GRIP1: variants seen among roughly 807,000 people sequenced by gnomAD.
The protein encoded by GRIP1 is glutamate receptor-interacting protein 1.
In GRIP1, 45 loss-of-function variants were observed where a neutral mutation model predicts 129.9. The observed-to-expected ratio is 0.35, with a 90% CI of 0.27 to 0.44. The LOEUF (loss-of-function observed/expected upper bound fraction) is 0.44, where lower values mean the gene tolerates loss of function less well. Among genes scored for constraint, GRIP1 ranks in the 20% least tolerant of loss-of-function variants. The pLI, the probability that GRIP1 is intolerant of heterozygous loss-of-function variation, is 1.00. For synonymous variants in GRIP1, 530 were observed against 520.8 expected (o/e 1.02, Z -0.24); for missense variants, 1,196 against 1,396.8 (o/e 0.86, Z 2.29).
At chr12:66,768,850 T>C (rs1388790716) in intron 1 of GRIP1, among the ~76,000 whole-genome samples, 1 of 152,046 alleles carries the variant, frequency 6.6e-6, no homozygotes, top group Non-Finnish European at 1.5e-5. Flanking sequence ...CTGAGAGACC[T>C]CTAAAACAAT....
intron 14 of GRIP1, 111 bp downstream of exon 14, chr12:66,432,437 T>C (rs1270405901): frequency 1.5e-6 from 1 of 671,728 alleles, no homozygotes; most frequent in African/African-American, 1.8e-5. Flanking sequence ...TGTATCATGA[T>C]ATAAAAACTT....
At chr12:66,576,867 A>G (rs562755659) in intron 2 of GRIP1, among the ~76,000 whole-genome samples, 9 of 152,378 alleles carry the variant, frequency 5.9e-5, no homozygotes, top group African/African-American at 2.2e-4. Flanking sequence ...AGTGATTCAT[A>G]AGAATAAGAC....
At chr12:66,735,314 TAA>T (rs1293819080) in intron 1 of GRIP1, among the ~76,000 whole-genome samples, 3 of 152,124 alleles carry the variant, frequency 2.0e-5, no homozygotes, top group Admixed American at 6.6e-5. Flanking sequence ...AATGTCGAAG[TAA>T]ATAATAAGAA....
rs770744985 is a variant in GRIP1, at chr12:66,815,881, T to TC, written c.59-218955_59-218954insG. On this transcript the variant is annotated intron_variant, in intron 1 of 1. Transcript: ENST00000643019. ...CTCTCTCTCTCTCTCTCTCTCTCTC[T>TC]TTCTTTCTTTCTCATATTAAGGTCT... Among the ~76,000 whole-genome samples the TC allele has an allele frequency of 2.4e-4, 36 of 150,312 alleles. No individual in the cohort carries two copies. In the South Asian group the frequency reaches 2.8e-3, roughly 12 times the overall value.
intron 1 of GRIP1, among the ~76,000 whole-genome samples, chr12:66,900,724 T>C (rs573658614): frequency 6.6e-6 from 1 of 152,322 alleles, no homozygotes; most frequent in South Asian, 2.1e-4. Context: ...GTCAGCCTGC[T>C]TCACATAGCC....
chr12:66,696,561 C>T (rs1012388902), intron 1 of GRIP1, among the ~76,000 whole-genome samples: 4 of 151,632 alleles, frequency 2.6e-5, no homozygotes, highest in Non-Finnish European at 4.4e-5. Flanking sequence ...CCGAGGCGGG[C>T]GGATCACAAG....
At position 66,363,200 on chromosome 12, in the gene GRIP1, C is replaced by CATAT. The variant is rs35452357; in HGVS notation, c.3012+8490_3012+8493dup. 3.7e-3 allele frequency among the ~76,000 whole-genome samples: 323 copies of CATAT among 88,228 alleles called. 17 individuals carry two copies. Among genetic ancestry groups the CATAT allele is most frequent in the Middle Eastern group, 5.8e-3 (1 of 172 alleles). 57.9% of individuals were successfully genotyped at this position (88,228 alleles called of 152,430 possible). A position where few individuals can be genotyped will look rare whatever the true frequency, so the allele number is the denominator to read the frequency against. ...ATATGTATATATGTGTGTGTGTGTC[C>CATAT]ATATATATATATATATATATATATA... On this transcript the variant is annotated intron_variant, in intron 23 of 24. Coordinates refer to ENST00000359742, the MANE Select transcript of GRIP1 (RefSeq NM_001366722.1).
At chr12:66,723,206 CTTT>C (rs2036115623) in intron 1 of GRIP1, among the ~76,000 whole-genome samples, 2 of 50,882 alleles carry the variant, frequency 3.9e-5, no homozygotes, top group African/African-American at 1.1e-4. Flanking sequence ...ATCTTCTTTT[CTTT>C]CTTTCTTTCT....
At chr12:66,890,319 T>C (rs2137228976) in intron 1 of GRIP1, among the ~76,000 whole-genome samples, 1 of 152,306 alleles carries the variant, frequency 6.6e-6, no homozygotes, top group South Asian at 2.1e-4. Context: ...AAGGCAATGC[T>C]TGAACCACAA....
intron 1 of GRIP1, among the ~76,000 whole-genome samples, chr12:66,605,727 T>G (rs2064493651): frequency 6.6e-6 from 1 of 152,184 alleles, no homozygotes; most frequent in African/African-American, 2.4e-5. Flanking sequence ...TTTTTTCTGT[T>G]AATCAAGTGT....
Position 66,415,036 on chromosome 12 carries a change from A to C in GRIP1, c.1838+5684T>G, listed in dbSNP as rs1033064904. Reference sequence around the variant, plus strand: ...ATCCCAAAATTATAAAAACCCTAGAAGAAAATCTAGACAATACCATTCAGG... The same window carrying C: ...ATCCCAAAATTATAAAAACCCTAGACGAAAATCTAGACAATACCATTCAGG... On this transcript the variant is annotated intron_variant, in intron 15 of 24. Transcript: ENST00000359742. 3.3e-5 allele frequency among the ~76,000 whole-genome samples: 5 copies of C among 151,718 alleles called. No individual in the cohort carries two copies. The East Asian group carries it at 9.6e-4, about 29-fold the overall frequency.
At chr12:66,846,589 T>G (rs530634211) in intron 1 of GRIP1, among the ~76,000 whole-genome samples, 2 of 152,346 alleles carry the variant, frequency 1.3e-5, no homozygotes, top group East Asian at 3.9e-4. Flanking sequence ...TAGTTCATTT[T>G]GGAGGCTATG....
At chr12:66,620,393 G>A (rs568589349) in intron 1 of GRIP1, among the ~76,000 whole-genome samples, 1 of 152,088 alleles carries the variant, frequency 6.6e-6, no homozygotes, top group Admixed American at 6.6e-5. Flanking sequence ...GTACCCAAAA[G>A]GACAATATAA....
chr12:67,010,318 G>A (rs529850528), intron 1 of GRIP1, among the ~76,000 whole-genome samples: 39 of 152,198 alleles, frequency 2.6e-4, no homozygotes, highest in Admixed American at 7.2e-4. Flanking sequence ...ATAGCAATTC[G>A]AGTTTAGAAA....
chr12:66,552,728 A>G (rs2062183442), intron 2 of GRIP1, among the ~76,000 whole-genome samples: 1 of 152,252 alleles, frequency 6.6e-6, no homozygotes, highest in Admixed American at 6.5e-5. Flanking sequence ...CAAGGGCACT[A>G]GTAAATCAGT....
intron 1 of GRIP1, among the ~76,000 whole-genome samples, chr12:66,598,647 T>TA (rs1219332323): frequency 1.1e-4 from 16 of 152,206 alleles, no homozygotes; most frequent in Non-Finnish European, 2.9e-5. Flanking sequence ...TAGCACCTTT[T>TA]AAAACAGACG....
At chr12:66,884,439 G>A (rs940112262) in intron 1 of GRIP1, among the ~76,000 whole-genome samples, 2 of 152,192 alleles carry the variant, frequency 1.3e-5, no homozygotes, top group African/African-American at 4.8e-5. Context: ...TAGGATAAAT[G>A]ATACATTTAT....
chr12:66,732,376 A>G (rs1276440084), intron 1 of GRIP1, among the ~76,000 whole-genome samples: 1 of 152,108 alleles, frequency 6.6e-6, no homozygotes. Context: ...ACATAGTGAG[A>G]CCCTGTTTCT....
chr12:67,067,840 C>A (rs1479999718), intron 1 of GRIP1, among the ~76,000 whole-genome samples: 1 of 152,334 alleles, frequency 6.6e-6, no homozygotes, highest in Admixed American at 6.5e-5. Flanking sequence ...CTTCTCCACA[C>A]ACCAGACTGG....
Sources: allele counts gnomAD v4.1 joint callset (sites outside exome capture counted in the v4.1 genomes callset), GRCh38; gene constraint gnomAD v4.1.1; transcripts MANE v1.5; gene names NCBI Gene and HGNC (gene_info 2026-07-23, HGNC 2026-07-21).